ARSJ: variants seen among roughly 807,000 people sequenced by gnomAD.
ARSJ encodes the protein arylsulfatase J.
In ARSJ, 26 loss-of-function variants were observed where a neutral mutation model predicts 35.9. The ratio of observed to expected loss-of-function variants is 0.72; its 90% confidence interval spans 0.53 to 1.00. ARSJ has a LOEUF of 1.00. Among genes scored for constraint, ARSJ ranks in the 50% least tolerant of loss-of-function variants. The pLI is 0.00. For missense variants in ARSJ, 667 were observed against 723.6 expected, an observed-to-expected ratio of 0.92 and a Z score of 0.90; for synonymous variants, 294 against 267.6, an observed-to-expected ratio of 1.10 and a Z score of -0.96.
At chr4:113,954,927 G>C (rs1562367787) in intron 1 of ARSJ, among the ~76,000 whole-genome samples, 1 of 150,910 alleles carries the variant, frequency 6.6e-6, no homozygotes, top group Non-Finnish European at 1.5e-5. Flanking sequence ...TTTTGGTTTG[G>C]TTCCTTCTGT....
Position 113,902,759 on chromosome 4 carries a change from C to A in ARSJ, c.1315G>T (p.Gly439Trp). Reference protein sequence around the residue: ...AKNGSWAAGYGIWNTAIQSAI... With the variant: ...AKNGSWAAGYWIWNTAIQSAI... Reference sequence around the variant, plus strand: ...GACTGGATTGCAGTGTTCCAGATCCCATAGCCTGCTGCCCAGGAGCCATTT... The same window carrying A: ...GACTGGATTGCAGTGTTCCAGATCCAATAGCCTGCTGCCCAGGAGCCATTT... The change falls in exon 2 of 2, where the codon GGG becomes TGG. Residue 439 changes from glycine (G) to tryptophan (W), a missense_variant. Gly to Trp is a radical substitution (Grantham distance 184). Transcript: ENST00000315366. The A allele has an allele frequency of 3.7e-6, 6 of 1,614,216 alleles. No individual in the cohort carries two copies. Among genetic ancestry groups the A allele is most frequent in the Non-Finnish European group, 5.1e-6 (6 of 1,180,040 alleles).
intron 1 of ARSJ, among the ~76,000 whole-genome samples, chr4:113,956,641 C>T (rs1193503024): frequency 1.3e-5 from 2 of 152,014 alleles, no homozygotes; most frequent in Non-Finnish European, 2.9e-5. Flanking sequence ...AATTAGAGTT[C>T]TGAAGGATAA....
chr4:113,902,238 C>T lies in ARSJ; in HGVS notation c.*36G>A, dbSNP rs1474188623. 1.2e-6 allele frequency: 2 copies of T among 1,602,584 alleles called. No individual in the cohort carries two copies. The highest frequency in any genetic ancestry group is 1.7e-5 in the Admixed American group (1 of 59,992). ...CTAGGAAACAGATGAAAGATAAGAA[C>T]TGATTAAAGTTTAACCAAACAGGAA... On this transcript the variant is annotated 3_prime_UTR_variant, in exon 2 of 2. Transcript: ENST00000315366.
At chr4:113,914,855 A>G (rs1401330746) in intron 1 of ARSJ, among the ~76,000 whole-genome samples, 2 of 152,250 alleles carry the variant, frequency 1.3e-5, no homozygotes, top group Non-Finnish European at 2.9e-5. Flanking sequence ...AATAATTTTT[A>G]TGATTTAGAG....
At chr4:113,911,377 C>T (rs1462427463) in intron 1 of ARSJ, among the ~76,000 whole-genome samples, 1 of 152,122 alleles carries the variant, frequency 6.6e-6, no homozygotes, top group East Asian at 1.9e-4. Flanking sequence ...GAGAATGACA[C>T]AATCGAAGCT....
In ARSJ at chr4:113,915,599, A is replaced by G. The variant is rs189839568; in HGVS notation, c.399-11924T>C. Among the ~76,000 whole-genome samples, 190 of 152,282 alleles carry G rather than the reference A, an allele frequency of 1.2e-3. 2 individuals carry two copies. Among genetic ancestry groups the G allele is most frequent in the African/African-American group, 4.3e-3 (179 of 41,552 alleles). On this transcript the variant is annotated intron_variant, in intron 1 of 1. Coordinates refer to ENST00000315366, the MANE Select transcript of ARSJ (RefSeq NM_024590.4). ...TACCCAGAGTTTTTGTCTGAAATATACTGTAGGGATAACAATTTTCAAAAC... is the reference window on the plus strand; with the variant it reads ...TACCCAGAGTTTTTGTCTGAAATATGCTGTAGGGATAACAATTTTCAAAAC...
intron 1 of ARSJ, among the ~76,000 whole-genome samples, chr4:113,966,351 T>TAA (rs11421008): frequency 9.2e-5 from 14 of 152,086 alleles, no homozygotes; most frequent in Non-Finnish European, 1.5e-4. Flanking sequence ...TTAGTAGAGA[T>TAA]AAAAAATGAC....
intron 1 of ARSJ, among the ~76,000 whole-genome samples, chr4:113,962,091 G>A (rs1726583197): frequency 6.6e-6 from 1 of 151,994 alleles, no homozygotes; most frequent in African/African-American, 2.4e-5. Flanking sequence ...CTAATAACAT[G>A]CAGAGTTTTG....
At chr4:113,968,630 T>C (rs1166702747) in intron 1 of ARSJ, among the ~76,000 whole-genome samples, 2 of 152,222 alleles carry the variant, frequency 1.3e-5, no homozygotes, top group African/African-American at 2.4e-5. Context: ...GTACAAGTAC[T>C]CTGGCAGTGA....
chr4:113,916,528 C>CTTTTT (rs11458953), intron 1 of ARSJ, among the ~76,000 whole-genome samples: 1 of 151,382 alleles, frequency 6.6e-6, no homozygotes. Context: ...CACGTTCTCT[C>CTTTTT]TTTTTTTTGT....
intron 1 of ARSJ, among the ~76,000 whole-genome samples, chr4:113,947,551 A>C (rs1725569516): frequency 7.5e-6 from 1 of 133,090 alleles, no homozygotes; most frequent in Non-Finnish European, 1.6e-5. Context: ...GGAAGGAGAG[A>C]GGGAGAGTGA....
chr4:113,950,671 G>A (rs1725811006), intron 1 of ARSJ, among the ~76,000 whole-genome samples: 1 of 152,020 alleles, frequency 6.6e-6, no homozygotes, highest in Non-Finnish European at 1.5e-5. Context: ...ATTCTGTTTG[G>A]TTTTGTAATG....
At chr4:113,976,265 C>T (rs1335248474) in intron 1 of ARSJ, among the ~76,000 whole-genome samples, 4 of 152,036 alleles carry the variant, frequency 2.6e-5, no homozygotes, top group Non-Finnish European at 5.9e-5. Context: ...TTCACATAAC[C>T]CATTTTATTT....
intron 1 of ARSJ, among the ~76,000 whole-genome samples, chr4:113,941,237 A>G (rs975263747): frequency 3.3e-5 from 5 of 152,102 alleles, no homozygotes; most frequent in Admixed American, 1.3e-4. Flanking sequence ...TTCTAAGGAC[A>G]TTGCTAAGTT....
Position 113,953,425 on chromosome 4 carries a change from A to G in ARSJ, c.398+25012T>C, listed in dbSNP as rs374970090. 3.9e-5 allele frequency among the ~76,000 whole-genome samples: 6 copies of G among 152,218 alleles called. No individual in the cohort carries two copies. In the East Asian group the frequency reaches 9.7e-4, roughly 25 times the overall value. On this transcript the variant is annotated intron_variant, in intron 1 of 1. Coordinates refer to ENST00000315366, the MANE Select transcript of ARSJ (RefSeq NM_024590.4). ...CAAACAAAATATATCCTATTAATAC[A>G]TTTCATTTTCTTTAAAGTCAAGGCA...
At chr4:113,939,044 T>C (rs1287343403) in intron 1 of ARSJ, among the ~76,000 whole-genome samples, 1 of 148,358 alleles carries the variant, frequency 6.7e-6, no homozygotes, top group Non-Finnish European at 1.5e-5. Flanking sequence ...GTATATCTCC[T>C]AATGCTGTCC....
At position 113,965,405 on chromosome 4, in the gene ARSJ, A is replaced by G. The variant is rs1726829274; in HGVS notation, c.398+13032T>C. On this transcript the variant is annotated intron_variant, in intron 1 of 1. Coordinates refer to ENST00000315366, the MANE Select transcript of ARSJ (RefSeq NM_024590.4). ...TCCTGTCAGCCATCTGAATAATGTC[A>G]TTGAAAAATCCTAGTGTTGGAGTTG... Among the ~76,000 whole-genome samples, 3 of 152,120 alleles carry G rather than the reference A, an allele frequency of 2.0e-5. No individual in the cohort carries two copies. The South Asian group carries it at 6.2e-4, about 32-fold the overall frequency.
chr4:113,916,237 C>A (rs1329411811), intron 1 of ARSJ, among the ~76,000 whole-genome samples: 1 of 152,064 alleles, frequency 6.6e-6, no homozygotes, highest in Non-Finnish European at 1.5e-5. Flanking sequence ...GGAAACAATC[C>A]GGCCTACCTT....
At chr4:113,909,936 C>T (rs1384093237) in intron 1 of ARSJ, among the ~76,000 whole-genome samples, 1 of 152,056 alleles carries the variant, frequency 6.6e-6, no homozygotes, top group African/African-American at 2.4e-5. Flanking sequence ...ATTCCACAAA[C>T]ATCGATTATA....
Sources: gnomAD v4.1 joint callset for allele counts (sites outside exome capture counted in the v4.1 genomes callset) on GRCh38, gnomAD v4.1.1 for gene constraint, MANE v1.5 for transcripts, NCBI Gene and HGNC (gene_info 2026-07-23, HGNC 2026-07-21) for gene names.